CFAP300: variants seen among roughly 807,000 people sequenced by gnomAD.
CFAP300 encodes cilia- and flagella-associated protein 300.
CFAP300 carries 32 observed loss-of-function variants against 33.0 expected under a neutral mutation model. The ratio of observed to expected loss-of-function variants is 0.97; its 90% CI spans 0.73 to 1.30. The LOEUF (loss-of-function observed/expected upper bound fraction) is 1.30. Among genes scored for constraint, CFAP300 ranks in the 50% most tolerant of loss-of-function variants. The pLI, the probability that CFAP300 is intolerant of heterozygous loss-of-function variation, is 0.00. For missense variants in CFAP300, 356 were observed against 318.1 expected (o/e 1.12, Z -0.90); for synonymous variants, 102 against 106.8 (o/e 0.95, Z 0.28).
At chr11:102,065,970 AC>A (rs1312113215) in intron 3 of CFAP300, among the ~76,000 whole-genome samples, 2 of 133,584 alleles carry the variant, frequency 1.5e-5, no homozygotes, top group East Asian at 2.6e-4. Context: ...TTTGTTATAA[AC>A]TTTTTTTTTT....
At chr11:102,051,335 C>A (rs1245964085) in intron 2 of CFAP300, among the ~76,000 whole-genome samples, 1 of 152,086 alleles carries the variant, frequency 6.6e-6, no homozygotes, top group Non-Finnish European at 1.5e-5. Flanking sequence ...GAGAATTTTC[C>A]ACATAAACAA....
intron 2 of CFAP300, 60 bp downstream of exon 2, chr11:102,047,956 G>C: frequency 6.6e-7 from 1 of 1,516,530 alleles, no homozygotes; most frequent in East Asian, 2.3e-5. Flanking sequence ...TTCCCCCCAA[G>C]TTGGCATAGA....
At chr11:102,068,611 AC>A (rs1298469019) in intron 4 of CFAP300, among the ~76,000 whole-genome samples, 2 of 152,098 alleles carry the variant, frequency 1.3e-5, no homozygotes, top group Non-Finnish European at 2.9e-5. Flanking sequence ...ATATGGCAAA[AC>A]CCTGTCTCTA....
At position 102,067,150 on chromosome 11, in the gene CFAP300, G is replaced by A. The variant is rs532618077; in HGVS notation, c.435+499G>A. Among the ~76,000 whole-genome samples, 3 of 152,192 alleles carry A rather than the reference G, an allele frequency of 2.0e-5. No homozygotes were observed. The South Asian group carries it at 6.2e-4, about 32-fold the overall frequency. On this transcript the variant is annotated intron_variant, in intron 4 of 6. Transcript: ENST00000434758. ...AGCCCAGGAGTTCAAGACCAGCCTG[G>A]GCAACATAGCAAAACCCTGTCCACA...
chr11:102,053,712 G>A (rs1459171188), intron 2 of CFAP300, among the ~76,000 whole-genome samples: 4 of 152,144 alleles, frequency 2.6e-5, no homozygotes, highest in Admixed American at 1.3e-4. Flanking sequence ...GACTCTGTCC[G>A]TATTATAAAA....
chr11:102,075,155 AAT>A (rs1481531904), intron 4 of CFAP300, among the ~76,000 whole-genome samples: 1 of 152,228 alleles, frequency 6.6e-6, no homozygotes, highest in Non-Finnish European at 1.5e-5. Context: ...CAGTGGAAAA[AAT>A]ATATGTTATA....
intron 2 of CFAP300, among the ~76,000 whole-genome samples, chr11:102,053,430 A>T (rs1288369973): frequency 6.6e-6 from 1 of 152,006 alleles, no homozygotes; most frequent in Non-Finnish European, 1.5e-5. Flanking sequence ...GGGTGCCTAT[A>T]ATCCCAGCTA....
intron 5 of CFAP300, among the ~76,000 whole-genome samples, chr11:102,077,789 G>C (rs574386178): frequency 1.5e-4 from 23 of 152,314 alleles, no homozygotes; most frequent in African/African-American, 5.3e-4. Flanking sequence ...TGGCCAGGCT[G>C]GTCTCAAACA....
At chr11:102,074,551 C>T (rs1942369143) in intron 4 of CFAP300, among the ~76,000 whole-genome samples, 2 of 152,058 alleles carry the variant, frequency 1.3e-5, no homozygotes, top group South Asian at 4.2e-4. Flanking sequence ...CTACTTTGTT[C>T]AGGAAGTGAG....
intron 4 of CFAP300, among the ~76,000 whole-genome samples, chr11:102,073,475 G>A (rs1171167751): frequency 6.6e-6 from 1 of 152,178 alleles, no homozygotes; most frequent in Non-Finnish European, 1.5e-5. Context: ...AGGCCAGAGG[G>A]GCTGTCCTCA....
chr11:102,058,575 A>G (rs909728358), intron 2 of CFAP300, among the ~76,000 whole-genome samples: 1 of 149,598 alleles, frequency 6.7e-6, no homozygotes, highest in Non-Finnish European at 1.5e-5. Context: ...AGGCAATTCA[A>G]TAAGCAAGAT....
rs140040339 is a variant in CFAP300 at position 102,053,551 on chromosome 11, AAAACAAAC to A, written c.193-5301_193-5294del. Among the ~76,000 whole-genome samples the A allele has an allele frequency of 7.9e-3, 1,180 of 149,998 alleles. 8 individuals carry two copies. Among genetic ancestry groups the A allele is most frequent in the Middle Eastern group, 0.037 (11 of 294 alleles). The stretch of plus-strand genomic sequence containing the variant: ...GGGCAACAAGAGCAAAACTCCATCA[AAAACAAAC>A]AAACAAACAAACAAACAAACAAACA... On this transcript the variant is annotated intron_variant, in intron 2 of 6. Transcript: ENST00000434758.
intron 3 of CFAP300, among the ~76,000 whole-genome samples, chr11:102,059,980 T>C (rs958679092): frequency 2.0e-5 from 3 of 151,944 alleles, no homozygotes; most frequent in Admixed American, 2.0e-4. Context: ...GTTTTTTGCT[T>C]ACTTGTTTTT....
In CFAP300 at chr11:102,053,863, A is replaced by G. The variant is rs186921793; in HGVS notation, c.193-5017A>G. 1.8e-3 allele frequency among the ~76,000 whole-genome samples: 273 copies of G among 152,326 alleles called. 1 individual carries two copies. The highest frequency in any genetic ancestry group is 7.3e-3 in the South Asian group (35 of 4,824). ...TTTAACTCCCCAGCCTTATCTGACC[A>G]TTGCTGCTTCTGGGTCACACCAAAC... is the stretch of plus-strand genomic sequence containing the variant. On this transcript the variant is annotated intron_variant, in intron 2 of 6. Transcript: ENST00000434758.
chr11:102,080,224 C>A (rs1387891424), intron 5 of CFAP300, among the ~76,000 whole-genome samples: 1 of 151,946 alleles, frequency 6.6e-6, no homozygotes. Flanking sequence ...ATATATGTAA[C>A]AAATTATAAA....
chr11:102,057,710 A>G lies in CFAP300; in HGVS notation c.193-1170A>G, dbSNP rs1942081078. 3 of 152,330 alleles carry G rather than the reference A, an allele frequency of 2.0e-5. No homozygotes were observed. The South Asian group carries it at 6.2e-4, about 32-fold the overall frequency. The allele number at this position is 152,330 out of a possible 1,614,324, so 9.4% of individuals were successfully genotyped here. ...GGTTTACAAACAGACTCATCAGTGC[A>G]AGACTGGAATTTTGAAGTGAGCAAC... is the stretch of plus-strand genomic sequence containing the variant. On this transcript the variant is annotated intron_variant, in intron 2 of 6. Transcript: ENST00000434758.
At chr11:102,076,385 G>A (rs1216131536) in intron 5 of CFAP300, among the ~76,000 whole-genome samples, 1 of 152,178 alleles carries the variant, frequency 6.6e-6, no homozygotes, top group Non-Finnish European at 1.5e-5. Context: ...GATCCCTCCA[G>A]ATGTTTGAGT....
chr11:102,052,008 C>A (rs966276827), intron 2 of CFAP300, among the ~76,000 whole-genome samples: 2 of 152,170 alleles, frequency 1.3e-5, no homozygotes, highest in Non-Finnish European at 2.9e-5. Context: ...TCTTCTAATG[C>A]CTTACTGGAA....
Position 102,047,481 on chromosome 11 carries a change from G to A in CFAP300, c.11G>A (p.Gly4Glu). MATGELGDLGGYYF... is the reference protein window; with the variant it reads MATEELGDLGGYYF... ...CCAGCCGAGAGCACGATGGCTACTG[G>A]GGAGCTCGGGGACTTGGGTGGCTAC... The change falls in exon 1 of 7, where the codon GGG (glycine) becomes GAG (glutamate). Residue 4 changes from glycine to glutamate, a missense_variant. Physicochemically the swap from Gly to Glu is moderately conservative, Grantham distance 98 (BLOSUM62 -2). Transcript: ENST00000434758. 2 of 1,535,958 alleles carry A rather than the reference G, an allele frequency of 1.3e-6. No individual in the cohort carries two copies. Among genetic ancestry groups the A allele is most frequent in the South Asian group, 1.2e-5 (1 of 84,064 alleles).
Sources: gnomAD v4.1 joint callset for allele counts (sites outside exome capture counted in the v4.1 genomes callset) on GRCh38, gnomAD v4.1.1 for gene constraint, MANE v1.5 for transcripts, NCBI Gene and HGNC (gene_info 2026-07-23, HGNC 2026-07-21) for gene names.